Variants in FRMD5 observed in about 807,000 individuals in gnomAD.
FRMD5 encodes the protein FERM domain containing 5.
Under a neutral mutation model 69.0 loss-of-function variants are expected in FRMD5, and 20 were observed. That is an observed-to-expected ratio of 0.29 (90% CI 0.20 to 0.42). FRMD5 has a LOEUF of 0.42. Among genes scored for constraint, FRMD5 ranks in the 10% least tolerant of loss-of-function variants. The pLI, the probability that FRMD5 is intolerant of heterozygous loss-of-function variation, is 1.00. For synonymous variants in FRMD5, 271 were observed against 260.1 expected (o/e 1.04, Z -0.40); for missense variants, 595 against 708.6 (o/e 0.84, Z 1.82).
chr15:43,999,971 T>TGCTATGC (rs1555392742), intron 1 of FRMD5, among the ~76,000 whole-genome samples: 6 of 53,048 alleles, frequency 1.1e-4, no homozygotes, highest in Admixed American at 2.1e-4. Context: ...TATATATATA[T>TGCTATGC]ATATATATAT....
upstream of FRMD5, among the ~76,000 whole-genome samples, chr15:44,195,757 T>C (rs537661331): frequency 1.7e-4 from 26 of 152,364 alleles, no homozygotes; most frequent in Admixed American, 3.9e-4. Context: ...GTACCCTAAG[T>C]TGGCCCGTCT....
chr15:44,078,741 A>G (rs1266396756), intron 1 of FRMD5, among the ~76,000 whole-genome samples: 1 of 152,192 alleles, frequency 6.6e-6, no homozygotes, highest in African/African-American at 2.4e-5. Context: ...ATGCAAAAGA[A>G]TAAACTTGGA....
intron 1 of FRMD5, among the ~76,000 whole-genome samples, chr15:44,169,697 T>C (rs897174489): frequency 1.3e-5 from 2 of 152,142 alleles, no homozygotes; most frequent in Admixed American, 1.3e-4. Flanking sequence ...AGCTCCAATA[T>C]GATACAATAA....
At chr15:44,195,326 G>C (rs1437495379), upstream of FRMD5, 19 of 493,744 alleles carry the variant, frequency 3.8e-5, no homozygotes, top group Non-Finnish European at 6.1e-5. Flanking sequence ...GCCTCAACTG[G>C]AGGGGGCCAA....
chr15:44,045,573 T>C (rs1892390337), intron 1 of FRMD5, among the ~76,000 whole-genome samples: 2 of 152,184 alleles, frequency 1.3e-5, no homozygotes, highest in African/African-American at 4.8e-5. Flanking sequence ...AAATTCAACA[T>C]GGAAGATCAG....
chr15:44,098,005 T>G (rs759373274), intron 1 of FRMD5, among the ~76,000 whole-genome samples: 1 of 151,742 alleles, frequency 6.6e-6, no homozygotes, highest in Non-Finnish European at 1.5e-5. Flanking sequence ...AGAAAGGACC[T>G]GCAGCAGCAT....
intron 7 of FRMD5, among the ~76,000 whole-genome samples, chr15:43,901,483 AAGAG>A (rs1416207376): frequency 3.3e-5 from 5 of 152,186 alleles, no homozygotes; most frequent in African/African-American, 4.8e-5. Context: ...CAGTAATGGA[AAGAG>A]AGAGGCAGAA....
chr15:43,961,625 T>C lies in FRMD5; in HGVS notation c.103-37316A>G, dbSNP rs1427491153. On this transcript the variant is annotated intron_variant, in intron 1 of 13. Coordinates refer to ENST00000417257, the MANE Select transcript of FRMD5 (RefSeq NM_032892.5). ...AAAAAAGAGAATTTTAGACCAATAA[T>C]CTTGATGAATATTGATGCAAAAATC... Among the ~76,000 whole-genome samples the C allele has an allele frequency of 2.6e-5, 4 of 152,212 alleles. No individual in the cohort carries two copies. The South Asian group carries it at 8.3e-4, about 32-fold the overall frequency.
chr15:44,029,771 G>A (rs530126660), intron 1 of FRMD5, among the ~76,000 whole-genome samples: 1 of 152,194 alleles, frequency 6.6e-6, no homozygotes, highest in Non-Finnish European at 1.5e-5. Context: ...GATGCTTAGA[G>A]ATTCCGATTC....
chr15:44,106,451 A>G (rs538650110), intron 1 of FRMD5, among the ~76,000 whole-genome samples: 37 of 152,236 alleles, frequency 2.4e-4, no homozygotes, highest in African/African-American at 6.3e-4. Flanking sequence ...TTGCCTGTAC[A>G]TATTGCACTC....
At chr15:43,929,970 A>G (rs1365201947) in intron 1 of FRMD5, among the ~76,000 whole-genome samples, 1 of 152,196 alleles carries the variant, frequency 6.6e-6, no homozygotes, top group Admixed American at 6.5e-5. Context: ...TCTCAGGGCC[A>G]TGGCATTAGT....
intron 1 of FRMD5, among the ~76,000 whole-genome samples, chr15:44,006,112 A>T (rs1342953916): frequency 6.6e-6 from 1 of 152,154 alleles, no homozygotes; most frequent in Non-Finnish European, 1.5e-5. Context: ...ACTCAGATTA[A>T]AGGATAATGC....
chr15:44,184,214 T>C (rs961470288), intron 1 of FRMD5, among the ~76,000 whole-genome samples: 3 of 152,204 alleles, frequency 2.0e-5, no homozygotes, highest in Non-Finnish European at 4.4e-5. Context: ...CCTGCCATCA[T>C]GTCTACCCAT....
chr15:44,028,652 AG>A (rs999640803), intron 1 of FRMD5, among the ~76,000 whole-genome samples: 1 of 152,192 alleles, frequency 6.6e-6, no homozygotes, highest in Non-Finnish European at 1.5e-5. Context: ...CCAGAGGCTC[AG>A]GGGGGTGCAA....
intron 1 of FRMD5, among the ~76,000 whole-genome samples, chr15:43,999,965 T>C (rs1890125390): frequency 2.7e-5 from 2 of 75,424 alleles, no homozygotes; most frequent in African/African-American, 5.7e-5. Flanking sequence ...TATATATATA[T>C]ATATATATAT....
intron 1 of FRMD5, among the ~76,000 whole-genome samples, chr15:44,069,673 G>A (rs912326886): frequency 6.6e-6 from 1 of 152,058 alleles, no homozygotes; most frequent in South Asian, 2.1e-4. Flanking sequence ...AGGGTGAGAG[G>A]TGTCTATAAA....
chr15:44,012,861 G>T (rs902374381), intron 1 of FRMD5, among the ~76,000 whole-genome samples: 1 of 145,704 alleles, frequency 6.9e-6, no homozygotes, highest in African/African-American at 2.6e-5. Flanking sequence ...CTGCTTCCCC[G>T]GTTCAAGGGA....
chr15:44,021,353 A>G (rs1014629707), intron 1 of FRMD5, among the ~76,000 whole-genome samples: 12 of 152,338 alleles, frequency 7.9e-5, no homozygotes, highest in African/African-American at 2.9e-4. Flanking sequence ...AAACCAGCTC[A>G]TAAAAGGTAA....
chr15:44,075,612 T>C (rs1893724515), intron 1 of FRMD5, among the ~76,000 whole-genome samples: 1 of 152,120 alleles, frequency 6.6e-6, no homozygotes, highest in Non-Finnish European at 1.5e-5. Context: ...GTTTAGCAAA[T>C]CAAAGAAAAC....
Sources: gnomAD v4.1 joint callset for allele counts (sites outside exome capture counted in the v4.1 genomes callset) on GRCh38, gnomAD v4.1.1 for gene constraint, MANE v1.5 for transcripts, NCBI Gene and HGNC (gene_info 2026-07-23, HGNC 2026-07-21) for gene names.